The following EXOC4 variants were observed in gnomAD, a reference collection of about 807,000 sequenced individuals.
The protein encoded by EXOC4 is exocyst complex component 4, also known as SEC8-like 1.
A neutral mutation model predicts 107.2 loss-of-function variants in EXOC4; 71 were observed. That is an observed-to-expected ratio of 0.66 (90% CI 0.55 to 0.81). EXOC4 has a LOEUF of 0.81. Ranked by LOEUF, EXOC4 falls within the 30% of genes least tolerant of loss-of-function variation. The probability of loss-of-function intolerance (pLI) is 0.00; values close to 1 mark genes in which losing one functional copy is unlikely to be tolerated. For synonymous variants in EXOC4, 456 were observed against 441.2 expected (o/e 1.03, Z -0.42); for missense variants, 1,108 against 1,189.6 (o/e 0.93, Z 1.01).
In EXOC4 at chr7:133,475,384, A is replaced by G. The variant is rs749317968; in HGVS notation, c.1239A>G (p.Ser413=). Residue 413 remains serine, a synonymous_variant, in exon 8 of 18, where the codon TCA becomes TCG. Transcript: ENST00000253861. ...ATACTCGTACGGCCTCTGAACCATC[A>G]GCTCAACTAAGCTATGCCAGCACTG... ...MKNTRTASEP[S]AQLSYASTGR... 6.2e-7 allele frequency: 1 copy of G among 1,614,052 alleles called. No individual in the cohort carries two copies. Among genetic ancestry groups the G allele is most frequent in the South Asian group, 1.1e-5 (1 of 91,086 alleles).
chr7:133,328,733 A>T (rs1795308455), intron 5 of EXOC4, among the ~76,000 whole-genome samples: 1 of 152,216 alleles, frequency 6.6e-6, no homozygotes, highest in South Asian at 2.1e-4. Flanking sequence ...TTCTTTAAGA[A>T]TGTTGAATAT....
chr7:133,256,812 G>T (rs927882840), intron 1 of EXOC4, among the ~76,000 whole-genome samples: 1 of 152,108 alleles, frequency 6.6e-6, no homozygotes, highest in Non-Finnish European at 1.5e-5. Flanking sequence ...TTGACTTAAG[G>T]ACAGAGTATG....
chr7:133,315,934 C>T (rs1043570433), intron 4 of EXOC4, among the ~76,000 whole-genome samples: 1 of 152,166 alleles, frequency 6.6e-6, no homozygotes, highest in African/African-American at 2.4e-5. Context: ...TAATGATTCC[C>T]TGTTTCCCTG....
intron 10 of EXOC4, among the ~76,000 whole-genome samples, chr7:133,688,998 C>T (rs1794364776): frequency 6.6e-6 from 1 of 152,108 alleles, no homozygotes; most frequent in Non-Finnish European, 1.5e-5. Context: ...TTGTAGCCAC[C>T]CTCCTTCCCC....
In EXOC4 at chr7:133,884,583, G is replaced by C. The variant is rs1285335763; in HGVS notation, c.1735-11016G>C. 7.2e-5 allele frequency among the ~76,000 whole-genome samples: 4 copies of C among 55,532 alleles called. No individual in the cohort carries two copies. The Admixed American group carries it at 1.1e-3, about 15-fold the overall frequency. The allele number at this position is 55,532 out of a possible 152,430, so 36.4% of individuals were successfully genotyped here. ...CTCAGGTGTGCTTGCCCTATGCTCT[G>C]TGTGTGTGTGTGTGTGTGTGTGTGT... is the stretch of plus-strand genomic sequence containing the variant. On this transcript the variant is annotated intron_variant, in intron 11 of 17. Transcript: ENST00000253861.
At chr7:133,931,795 G>A (rs1263236534) in intron 13 of EXOC4, among the ~76,000 whole-genome samples, 1 of 152,174 alleles carries the variant, frequency 6.6e-6, no homozygotes, top group African/African-American at 2.4e-5. Context: ...CCTCCATAAG[G>A]GTGATGTGTT....
At chr7:133,342,384 AG>A (rs1400549453) in intron 5 of EXOC4, among the ~76,000 whole-genome samples, 1 of 152,154 alleles carries the variant, frequency 6.6e-6, no homozygotes, top group East Asian at 1.9e-4. Flanking sequence ...TCCAGCTTGT[AG>A]GTTTCTGTTT....
At chr7:133,943,825 C>T (rs141473297) in intron 14 of EXOC4, among the ~76,000 whole-genome samples, 1,811 of 152,164 alleles carry the variant, frequency 0.012, 48 homozygotes, top group African/African-American at 0.041. Flanking sequence ...TTTCCCTTTC[C>T]GCCTGTTTCA....
intron 12 of EXOC4, among the ~76,000 whole-genome samples, chr7:133,903,626 T>G (rs964862914): frequency 1.1e-4 from 16 of 152,320 alleles, no homozygotes; most frequent in African/African-American, 3.8e-4. Flanking sequence ...TGCTTAAATT[T>G]AGAGTGTCTC....
chr7:134,012,353 A>C (rs1282919000), intron 17 of EXOC4, among the ~76,000 whole-genome samples: 1 of 152,210 alleles, frequency 6.6e-6, no homozygotes, highest in Non-Finnish European at 1.5e-5. Flanking sequence ...AGATGGTAGC[A>C]TTGGAGAGGA....
chr7:133,743,183 A>T (rs1247643166), intron 10 of EXOC4, among the ~76,000 whole-genome samples: 1 of 152,138 alleles, frequency 6.6e-6, no homozygotes, highest in Non-Finnish European at 1.5e-5. Flanking sequence ...TCGATAGAAA[A>T]ATTAAAAGGA....
chr7:133,620,971 A>G (rs1802315231), intron 9 of EXOC4, among the ~76,000 whole-genome samples: 1 of 152,194 alleles, frequency 6.6e-6, no homozygotes, highest in Non-Finnish European at 1.5e-5. Flanking sequence ...ATTTAAAAAT[A>G]TGCGTGGAGT....
downstream of EXOC4, chr7:134,066,277 G>C (rs1002925675): frequency 5.9e-5 from 9 of 152,320 alleles, no homozygotes; most frequent in Middle Eastern, 3.4e-3. Flanking sequence ...ACCCGGAGTG[G>C]TGACAGTGAT....
chr7:133,564,614 C>G (rs1800871931), intron 9 of EXOC4, among the ~76,000 whole-genome samples: 1 of 152,080 alleles, frequency 6.6e-6, no homozygotes. Flanking sequence ...TACACCATAC[C>G]TTAAACCTAA....
intron 10 of EXOC4, among the ~76,000 whole-genome samples, chr7:133,735,765 C>T (rs543239155): frequency 5.5e-4 from 83 of 152,226 alleles, no homozygotes; most frequent in Admixed American, 3.1e-3. Flanking sequence ...CCCCACCTAA[C>T]CCAATCCAGC....
At chr7:133,468,056 T>C (rs1414815526) in intron 7 of EXOC4, among the ~76,000 whole-genome samples, 1 of 152,184 alleles carries the variant, frequency 6.6e-6, no homozygotes, top group Non-Finnish European at 1.5e-5. Flanking sequence ...TAATTTAAAA[T>C]GAATGAAAAC....
In EXOC4 at chr7:133,787,953, A is replaced by ATTTT. The variant is rs1265639298; in HGVS notation, c.1515-29369_1515-29368insTTTT. ...CTAGATACTTCTTCCCTGTGCATATATTTATATATTTATATATATATATAT... is the reference window on the plus strand; with the variant it reads ...CTAGATACTTCTTCCCTGTGCATATATTTTTTTATATATTTATATATATATATAT... On this transcript the variant is annotated intron_variant, in intron 10 of 17. Coordinates refer to ENST00000253861, the MANE Select transcript of EXOC4 (RefSeq NM_021807.4). 2.8e-3 allele frequency among the ~76,000 whole-genome samples: 44 copies of ATTTT among 15,614 alleles called. 2 individuals carry two copies. Among genetic ancestry groups the ATTTT allele is most frequent in the East Asian group, 7.2e-3 (1 of 138 alleles). The allele number at this position is 15,614 out of a possible 152,430, so 10.2% of individuals were successfully genotyped here.
intron 9 of EXOC4, among the ~76,000 whole-genome samples, chr7:133,497,752 T>C (rs905477098): frequency 6.6e-6 from 1 of 152,046 alleles, no homozygotes; most frequent in East Asian, 1.9e-4. Context: ...TGCCTCCTTG[T>C]CTGGGAATCG....
At chr7:134,084,839 A>G in the EXOC4 span, among the ~76,000 whole-genome samples, 45 of 152,310 alleles carry the variant, frequency 3.0e-4, no homozygotes, top group African/African-American at 1.0e-3. Flanking sequence ...GCAATGAATG[A>G]TTCACAAGCT....
Sources: allele counts gnomAD v4.1 joint callset (sites outside exome capture counted in the v4.1 genomes callset), GRCh38; gene constraint gnomAD v4.1.1; transcripts MANE v1.5; gene names NCBI Gene and HGNC (gene_info 2026-07-23, HGNC 2026-07-21).